Variants in CSMD1 observed in about 807,000 individuals in gnomAD.
CSMD1 encodes CUB and sushi domain-containing protein 1.
In CSMD1, 213 loss-of-function variants were observed where a neutral mutation model predicts 417.5. The ratio of observed to expected loss-of-function variants is 0.51; its 90% CI spans 0.46 to 0.57. The LOEUF is 0.57. CSMD1 is among the 20% of genes least tolerant of loss of function. CSMD1 has a pLI of 0.00. For missense variants in CSMD1, 6,923 were observed against 4,529.7 expected (o/e 1.53, Z -15.17); for synonymous variants, 2,862 against 1,736.8 (o/e 1.65, Z -16.11).
intron 50 of CSMD1, 61 bp downstream of exon 50, chr8:3,052,401 C>T (rs1811877771): frequency 2.9e-6 from 4 of 1,387,338 alleles, no homozygotes; most frequent in Middle Eastern, 2.2e-4. Context: ...CGGACTTCTC[C>T]CGAAAGCATT....
At chr8:3,732,191 G>C (rs911392300) in intron 6 of CSMD1, among the ~76,000 whole-genome samples, 3 of 152,198 alleles carry the variant, frequency 2.0e-5, no homozygotes, top group Non-Finnish European at 2.9e-5. Flanking sequence ...TGGGAACAGA[G>C]TCTTTCCGAG....
intron 5 of CSMD1, among the ~76,000 whole-genome samples, chr8:3,781,940 G>A (rs545219154): frequency 5.5e-4 from 83 of 151,910 alleles, no homozygotes; most frequent in African/African-American, 1.1e-3. Context: ...AATCTCACAT[G>A]CCAACTCCAT....
At chr8:3,680,129 G>C (rs998850210) in intron 7 of CSMD1, among the ~76,000 whole-genome samples, 4 of 152,082 alleles carry the variant, frequency 2.6e-5, no homozygotes, top group Admixed American at 6.6e-5. Flanking sequence ...GAAACAACTA[G>C]AGAAGCAAGA....
At chr8:3,771,377 G>C (rs1798565044) in intron 5 of CSMD1, among the ~76,000 whole-genome samples, 1 of 152,118 alleles carries the variant, frequency 6.6e-6, no homozygotes, top group African/African-American at 2.4e-5. Context: ...TTCACACTCT[G>C]CAAAAAGAGT....
chr8:4,318,321 A>G lies in CSMD1; in HGVS notation c.415+101632T>C, dbSNP rs138566754. Among the ~76,000 whole-genome samples, 705 of 152,242 alleles carry G rather than the reference A, an allele frequency of 4.6e-3. 4 individuals are homozygous for G. Among genetic ancestry groups the G allele is most frequent in the Middle Eastern group, 0.041 (12 of 294 alleles). Reference sequence around the variant, plus strand: ...TTTGCAGACAAAATCTAAAATCTTTACCATTAGGTCATCCATCCCTCCTCT... The same window carrying G: ...TTTGCAGACAAAATCTAAAATCTTTGCCATTAGGTCATCCATCCCTCCTCT... On this transcript the variant is annotated intron_variant, in intron 3 of 69. Coordinates refer to ENST00000635120, the MANE Select transcript of CSMD1 (RefSeq NM_033225.6).
intron 5 of CSMD1, among the ~76,000 whole-genome samples, chr8:3,754,590 G>C (rs1033179494): frequency 2.8e-4 from 42 of 152,150 alleles, no homozygotes; most frequent in African/African-American, 1.0e-3. Flanking sequence ...GAGTAGCTGG[G>C]ATTACAGGCA....
At chr8:3,879,474 G>C (rs975218680) in intron 5 of CSMD1, among the ~76,000 whole-genome samples, 1 of 152,092 alleles carries the variant, frequency 6.6e-6, no homozygotes, top group Admixed American at 6.6e-5. Context: ...TTCTCGTTTT[G>C]CTTAGAAATG....
intron 3 of CSMD1, among the ~76,000 whole-genome samples, chr8:4,365,010 C>A (rs144684698): frequency 2.6e-5 from 4 of 152,096 alleles, no homozygotes; most frequent in Non-Finnish European, 5.9e-5. Flanking sequence ...TAATGGAACT[C>A]AGATGATATT....
At chr8:4,356,088 C>G (rs747395003) in intron 3 of CSMD1, among the ~76,000 whole-genome samples, 1 of 152,156 alleles carries the variant, frequency 6.6e-6, no homozygotes, top group East Asian at 1.9e-4. Context: ...TATATGTTGT[C>G]TTTTATCCCT....
At chr8:3,024,298 G>A (rs551910574) in intron 51 of CSMD1, among the ~76,000 whole-genome samples, 1 of 142,676 alleles carries the variant, frequency 7.0e-6, no homozygotes, top group Non-Finnish European at 1.5e-5. Context: ...GTTTTTTTTG[G>A]GGGGGGAGGG....
intron 4 of CSMD1, among the ~76,000 whole-genome samples, chr8:4,014,298 G>T (rs113415107): frequency 1.6e-4 from 24 of 152,224 alleles, no homozygotes; most frequent in African/African-American, 3.9e-4. Flanking sequence ...ATTGCGTGTC[G>T]AAGTGAACAT....
chr8:4,157,200 T>C (rs1362866465), intron 3 of CSMD1, among the ~76,000 whole-genome samples: 1 of 152,094 alleles, frequency 6.6e-6, no homozygotes, highest in Admixed American at 6.5e-5. Context: ...TGTATGAAAT[T>C]TACATTTCAG....
chr8:4,050,549 C>T (rs907209372), intron 3 of CSMD1, among the ~76,000 whole-genome samples: 1 of 152,034 alleles, frequency 6.6e-6, no homozygotes, highest in African/African-American at 2.4e-5. Context: ...ATTTATTCTT[C>T]ATGTTACAAA....
intron 5 of CSMD1, among the ~76,000 whole-genome samples, chr8:3,812,797 A>G (rs920400026): frequency 2.0e-5 from 3 of 152,212 alleles, no homozygotes; most frequent in African/African-American, 4.8e-5. Context: ...CTATTGAATT[A>G]ACTGTCTTTC....
At chr8:4,171,808 A>G (rs1356954414) in intron 3 of CSMD1, among the ~76,000 whole-genome samples, 2 of 152,136 alleles carry the variant, frequency 1.3e-5, no homozygotes, top group African/African-American at 4.8e-5. Context: ...CATTCATTAG[A>G]CAAATCATCT....
intron 1 of CSMD1, chr8:4,788,081 G>C (rs1053399098): frequency 5.6e-6 from 9 of 1,601,528 alleles, no homozygotes; most frequent in African/African-American, 1.3e-5. Flanking sequence ...AGAAAGTAGA[G>C]TTGCTTTTGA....
At chr8:4,796,345 T>A (rs756238052) in intron 1 of CSMD1, among the ~76,000 whole-genome samples, 1 of 152,060 alleles carries the variant, frequency 6.6e-6, no homozygotes, top group Admixed American at 6.6e-5. Flanking sequence ...TCTTCACATA[T>A]CCTCAGCCAG....
chr8:4,093,239 T>C (rs1268829604), intron 3 of CSMD1, among the ~76,000 whole-genome samples: 1 of 145,008 alleles, frequency 6.9e-6, no homozygotes, highest in Admixed American at 7.0e-5. Context: ...GTTTACATAA[T>C]ACTTTGCTAA....
chr8:3,707,609 G>A (rs1438545905), intron 7 of CSMD1, among the ~76,000 whole-genome samples: 2 of 152,182 alleles, frequency 1.3e-5, no homozygotes, highest in Non-Finnish European at 2.9e-5. Context: ...CTGGTACCCA[G>A]TAACTGTTAT....
Sources: gnomAD v4.1 joint callset for allele counts (sites outside exome capture counted in the v4.1 genomes callset) on GRCh38, gnomAD v4.1.1 for gene constraint, MANE v1.5 for transcripts, NCBI Gene and HGNC (gene_info 2026-07-23, HGNC 2026-07-21) for gene names.